MIR2052HG: variants seen among roughly 807,000 people sequenced by gnomAD.
MIR2052HG encodes the protein MIR2052 host gene.
intron 2 of MIR2052HG, among the ~76,000 whole-genome samples, chr8:74,680,954 A>G (rs1403869351): frequency 1.3e-5 from 2 of 151,096 alleles, no homozygotes; most frequent in Non-Finnish European, 1.5e-5. Flanking sequence ...TCAGTAAACT[A>G]TCGCAAGAAC....
chr8:74,689,193 G>A (rs1311562733), intron 2 of MIR2052HG, among the ~76,000 whole-genome samples: 1 of 152,074 alleles, frequency 6.6e-6, no homozygotes, highest in Admixed American at 6.6e-5. Flanking sequence ...TTAGAAAAAC[G>A]TTTGGGACAA....
intron 1 of MIR2052HG, among the ~76,000 whole-genome samples, chr8:74,606,984 G>A (rs992369144): frequency 7.2e-5 from 11 of 151,850 alleles, no homozygotes; most frequent in Non-Finnish European, 1.5e-4. Context: ...ACCAATAGCC[G>A]TATTAAATGT....
chr8:74,603,364 G>A, intron 1 of MIR2052HG: 2 of 1,611,024 alleles, frequency 1.2e-6, no homozygotes, highest in Non-Finnish European at 1.7e-6. Flanking sequence ...AATGCTGGCA[G>A]CAGATCCAGT....
intron 2 of MIR2052HG, among the ~76,000 whole-genome samples, chr8:74,616,109 A>G (rs574068202): frequency 1.3e-5 from 2 of 152,174 alleles, no homozygotes; most frequent in Non-Finnish European, 2.9e-5. Flanking sequence ...ATGATTTATA[A>G]TCCTTTGGGT....
rs772980656 is a variant in MIR2052HG, at chr8:74,602,937, T to C, written n.128+3029T>C. On this transcript the variant is annotated intron_variant and non_coding_transcript_variant, in intron 1 of 6. Coordinates refer to ENST00000523442, the Ensembl canonical transcript of MIR2052HG. ...TAAATTTTTTTGAAAAATTCCTGAC[T>C]TTACAGTACTAAACTGAAATGTATT... 4.0e-5 allele frequency among the ~76,000 whole-genome samples: 6 copies of C among 149,888 alleles called. No individual in the cohort carries two copies. The South Asian group carries it at 8.4e-4, about 21-fold the overall frequency.
At chr8:74,747,560 G>A (rs768471119) in intron 4 of MIR2052HG, among the ~76,000 whole-genome samples, 13 of 152,050 alleles carry the variant, frequency 8.5e-5, no homozygotes, top group Non-Finnish European at 1.9e-4. Context: ...TTTGTGAATC[G>A]TGTTATTCTC....
chr8:74,684,160 C>A (rs779976646), intron 2 of MIR2052HG, among the ~76,000 whole-genome samples: 2 of 152,106 alleles, frequency 1.3e-5, no homozygotes, highest in African/African-American at 2.4e-5. Flanking sequence ...TTAAGCACTG[C>A]CTCAATAATG....
intron 2 of MIR2052HG, among the ~76,000 whole-genome samples, chr8:74,699,120 A>C (rs963003914): frequency 6.6e-6 from 1 of 152,126 alleles, no homozygotes; most frequent in African/African-American, 2.4e-5. Context: ...AGATGTTGGC[A>C]TGGATGTAGT....
chr8:74,652,239 T>A (rs910359002), intron 2 of MIR2052HG, among the ~76,000 whole-genome samples: 3 of 152,224 alleles, frequency 2.0e-5, no homozygotes, highest in Non-Finnish European at 4.4e-5. Flanking sequence ...GGGAGCACAC[T>A]GCCTTTTGCA....
chr8:74,681,290 G>C (rs74906366), intron 2 of MIR2052HG, among the ~76,000 whole-genome samples: 36,767 of 151,726 alleles, frequency 0.24, 5,466 homozygotes, highest in East Asian at 0.65. Flanking sequence ...TGCAATTCCA[G>C]CAAAAAATTA....
chr8:74,729,032 A>G (rs1040275509), intron 4 of MIR2052HG, among the ~76,000 whole-genome samples: 3 of 152,196 alleles, frequency 2.0e-5, no homozygotes, highest in African/African-American at 7.2e-5. Context: ...TCAAGGGATT[A>G]TTTGGATTAA....
At chr8:74,750,075 C>T (rs908082192) in intron 4 of MIR2052HG, among the ~76,000 whole-genome samples, 7 of 152,100 alleles carry the variant, frequency 4.6e-5, no homozygotes, top group African/African-American at 7.2e-5. Context: ...CTGAAACAAG[C>T]TTGTCAATGG....
intron 2 of MIR2052HG, among the ~76,000 whole-genome samples, chr8:74,699,421 T>C (rs1323225185): frequency 2.8e-5 from 4 of 143,738 alleles, no homozygotes; most frequent in Admixed American, 2.7e-4. Context: ...TGTGTGTATA[T>C]ATATATATAT....
Position 74,613,578 on chromosome 8 carries a change from G to A in MIR2052HG, n.216+638G>A, listed in dbSNP as rs535838866. ...TGGCTCACTGCAACTTCCGCCTCCC[G>A]GGTTCAAGCAATTCTCCCTGCCTCA... On this transcript the variant is annotated intron_variant and non_coding_transcript_variant, in intron 2 of 6. Coordinates refer to ENST00000523442, the Ensembl canonical transcript of MIR2052HG. Among the ~76,000 whole-genome samples the A allele has an allele frequency of 9.2e-5, 14 of 152,136 alleles. No homozygotes were observed. The South Asian group carries it at 1.7e-3, about 18-fold the overall frequency.
chr8:74,718,099 C>A (rs1809538713), intron 4 of MIR2052HG, among the ~76,000 whole-genome samples: 1 of 152,126 alleles, frequency 6.6e-6, no homozygotes, highest in South Asian at 2.1e-4. Flanking sequence ...AACTATATTG[C>A]ATATTACTAC....
intron 1 of MIR2052HG, among the ~76,000 whole-genome samples, chr8:74,602,915 A>T (rs190552938): frequency 1.8e-5 from 2 of 108,370 alleles, no homozygotes; most frequent in Admixed American, 9.9e-5. Flanking sequence ...CCATTTTTAA[A>T]TTTTTTTGAA....
intron 2 of MIR2052HG, among the ~76,000 whole-genome samples, chr8:74,673,887 G>GTGTATATATATATATATATATA (rs374641482): frequency 2.6e-4 from 32 of 121,662 alleles, no homozygotes; most frequent in African/African-American, 1.1e-3. Context: ...GTATTTTTTT[G>GTGTATATATATATATATATATA]TATATATATA....
intron 2 of MIR2052HG, among the ~76,000 whole-genome samples, chr8:74,631,129 T>G (rs1013264235): frequency 1.3e-5 from 2 of 152,188 alleles, no homozygotes; most frequent in African/African-American, 4.8e-5. Context: ...AATTATCATG[T>G]AAGGTATACT....
chr8:74,605,039 G>A (rs199823046), intron 1 of MIR2052HG, among the ~76,000 whole-genome samples: 2 of 152,192 alleles, frequency 1.3e-5, no homozygotes, highest in East Asian at 3.9e-4. Flanking sequence ...TTTTGTCACT[G>A]TGTCTTAAGA....
Sources: gnomAD v4.1 joint callset for allele counts (sites outside exome capture counted in the v4.1 genomes callset) on GRCh38, gnomAD v4.1.1 for gene constraint, MANE v1.5 for transcripts, NCBI Gene and HGNC (gene_info 2026-07-23, HGNC 2026-07-21) for gene names.